The following FBRSL1 variants were observed in gnomAD, a reference collection of about 807,000 sequenced individuals.
FBRSL1 encodes the protein fibrosin-1-like protein.
FBRSL1 carries 51 observed loss-of-function variants against 89.6 expected under a neutral mutation model. The ratio of observed to expected loss-of-function variants is 0.57; its 90% CI spans 0.45 to 0.72. The LOEUF (loss-of-function observed/expected upper bound fraction) is 0.72. Ranked by LOEUF, FBRSL1 falls within the 30% of genes least tolerant of loss-of-function variation. The probability of loss-of-function intolerance (pLI) is 0.00; values close to 1 mark genes in which losing one functional copy is unlikely to be tolerated. For missense variants in FBRSL1, 1,618 were observed against 1,451.8 expected, an observed-to-expected ratio of 1.11 and a Z score of -1.86; for synonymous variants, 779 against 681.1, an observed-to-expected ratio of 1.14 and a Z score of -2.24.
chr12:132,507,520 G>A (rs2033829215), intron 1 of FBRSL1: 4 of 746,954 alleles, frequency 5.4e-6, no homozygotes, highest in East Asian at 1.3e-4. Context: ...TGAAGGAGTC[G>A]AGATGGGACG....
At chr12:132,567,293 G>A (rs1752641876) in intron 5 of FBRSL1, among the ~76,000 whole-genome samples, 188 bp from the exon 6 acceptor site, 1 of 152,208 alleles carries the variant, frequency 6.6e-6, no homozygotes, top group Non-Finnish European at 1.5e-5. Flanking sequence ...CCCAGCGTGA[G>A]CACATGTATA....
chr12:132,576,935 A>G lies in FBRSL1; in HGVS notation c.1834+4A>G. 3 of 1,546,342 alleles carry G rather than the reference A, an allele frequency of 1.9e-6. No individual in the cohort carries two copies. The highest frequency in any genetic ancestry group is 2.6e-6 in the Non-Finnish European group (3 of 1,144,408). On this transcript the variant is annotated splice_donor_region_variant and intron_variant, in intron 15 of 18. Coordinates refer to ENST00000680143, the MANE Select transcript of FBRSL1 (RefSeq NM_001367871.1). Reference sequence around the variant, plus strand: ...CGGCCCCTCTTCCCCAGCACAGGTGAGACTGGAGTCGGGCCAGGTGGGGGG... The same window carrying G: ...CGGCCCCTCTTCCCCAGCACAGGTGGGACTGGAGTCGGGCCAGGTGGGGGG...
chr12:132,578,624 G>C lies in FBRSL1; in HGVS notation c.1834+1693G>C, dbSNP rs552522705. On this transcript the variant is annotated intron_variant, in intron 15 of 18. Coordinates refer to ENST00000680143, the MANE Select transcript of FBRSL1 (RefSeq NM_001367871.1). ...TACACACAGGCACAGGCACACACAT[G>C]GGCACTGCGTTGCCCAGTTGTCCTG... is the stretch of plus-strand genomic sequence containing the variant. Among the ~76,000 whole-genome samples the C allele has an allele frequency of 2.6e-5, 4 of 152,260 alleles. No individual in the cohort carries two copies. In the South Asian group the frequency reaches 8.3e-4, roughly 32 times the overall value.
At chr12:132,568,292 G>A (rs1164511666) in intron 6 of FBRSL1, among the ~76,000 whole-genome samples, 3 of 152,348 alleles carry the variant, frequency 2.0e-5, no homozygotes, top group South Asian at 2.1e-4. Context: ...GGCTTCATCC[G>A]GATGTGATTG....
In FBRSL1 at chr12:132,581,468, G is replaced by A; in HGVS notation, c.1864G>A (p.Gly622Arg). 1 of 1,551,068 alleles carries A rather than the reference G, an allele frequency of 6.4e-7. No individual in the cohort carries two copies. The highest frequency in any genetic ancestry group is 8.7e-7 in the Non-Finnish European group (1 of 1,146,922). The change falls in exon 16 of 19, where the codon GGA becomes AGA. Residue 622 changes from glycine (G) to arginine (R), a missense_variant. By Grantham distance (125) the Gly-to-Arg change is moderately radical. Transcript: ENST00000680143. ...GAAHPASNPF[G>R]PSAHPGSFLP... Reference sequence around the variant, plus strand: ...CGCCCATCCTGCCTCCAACCCATTTGGACCCTCAGCCCATCCTGGCAGCTT... The same window carrying A: ...CGCCCATCCTGCCTCCAACCCATTTAGACCCTCAGCCCATCCTGGCAGCTT...
chr12:132,579,345 C>G (rs928258847), intron 15 of FBRSL1, among the ~76,000 whole-genome samples: 3 of 152,214 alleles, frequency 2.0e-5, no homozygotes, highest in Non-Finnish European at 4.4e-5. Context: ...TATCCCTGAT[C>G]ATGGTGTATC....
rs1358926811 is a variant in FBRSL1 at position 132,545,090 on chromosome 12, CAG to C, written c.616-2912_616-2911del. On this transcript the variant is annotated intron_variant, in intron 4 of 18. Coordinates refer to ENST00000680143, the MANE Select transcript of FBRSL1 (RefSeq NM_001367871.1). ...GCATGGGGCCGTGCGGCACGGAGCTCAGGGCCTCGCCCAGTGTGGGGCAGTGC... is the reference window on the plus strand; with the variant it reads ...GCATGGGGCCGTGCGGCACGGAGCTCGGCCTCGCCCAGTGTGGGGCAGTGC... Among the ~76,000 whole-genome samples the C allele has an allele frequency of 2.6e-5, 4 of 151,844 alleles. No homozygotes were observed. In the East Asian group the frequency reaches 7.7e-4, roughly 29 times the overall value.
chr12:132,574,083 C>A lies in FBRSL1; in HGVS notation c.1531-7C>A. On this transcript the variant is annotated splice_polypyrimidine_tract_variant and splice_region_variant and intron_variant, in intron 11 of 18. Transcript: ENST00000680143. ...GGCGCACACAAGCTGTCTCTTTCTCCCCTCAGACTTCAAGCCCCATTGAGG... is the reference window on the plus strand; with the variant it reads ...GGCGCACACAAGCTGTCTCTTTCTCACCTCAGACTTCAAGCCCCATTGAGG... The A allele has an allele frequency of 7.7e-7, 1 of 1,293,046 alleles. No homozygotes were observed. Among genetic ancestry groups the A allele is most frequent in the Non-Finnish European group, 9.8e-7 (1 of 1,021,478 alleles). 80.1% of individuals were successfully genotyped at this position (1,293,046 alleles called of 1,614,324 possible).
intron 4 of FBRSL1, among the ~76,000 whole-genome samples, chr12:132,543,443 C>T (rs1399366792): frequency 6.6e-6 from 1 of 152,212 alleles, no homozygotes. Flanking sequence ...TTCGACACCC[C>T]AGGGCTGGGG....
At chr12:132,541,341 C>T (rs903679628) in intron 4 of FBRSL1, among the ~76,000 whole-genome samples, 1 of 152,220 alleles carries the variant, frequency 6.6e-6, no homozygotes, top group African/African-American at 2.4e-5. Flanking sequence ...GGTGCCTCAC[C>T]CTCAAGTGCC....
intron 15 of FBRSL1, among the ~76,000 whole-genome samples, chr12:132,577,658 G>T (rs1216920586): frequency 4.7e-5 from 7 of 148,578 alleles, no homozygotes; most frequent in Admixed American, 2.0e-4. Context: ...CCCTCCCCCA[G>T]CAACACAACG....
intron 2 of FBRSL1, chr12:132,511,806 A>T: frequency 1.0e-6 from 1 of 985,176 alleles, no homozygotes; most frequent in Non-Finnish European, 1.2e-6. Flanking sequence ...CTGGTGCAGC[A>T]TCTGCTTTGG....
At chr12:132,556,705 T>C (rs866183838) in intron 5 of FBRSL1, among the ~76,000 whole-genome samples, 3 of 47,458 alleles carry the variant, frequency 6.3e-5, no homozygotes, top group African/African-American at 1.0e-4. Flanking sequence ...TCATGCTGCC[T>C]CCAACCCCTG....
chr12:132,509,587 G>A (rs1275526928), intron 2 of FBRSL1: 27 of 1,230,650 alleles, frequency 2.2e-5, no homozygotes, highest in East Asian at 9.5e-5. Flanking sequence ...CACTGCCGGC[G>A]CCTGCGGTCC....
chr12:132,546,092 A>G lies in FBRSL1; in HGVS notation c.616-1911A>G, dbSNP rs182598873. On this transcript the variant is annotated intron_variant, in intron 4 of 18. Transcript: ENST00000680143. The surrounding 1 kb of genome is among the most constrained non-coding windows in gnomAD (Gnocchi z 4.0). ...CCCCTCAGCCCTGGCGTGTTCTGGC[A>G]TGTTCCTCCCCTCCCCTGCGCTCCC... Among the ~76,000 whole-genome samples, 314 of 152,274 alleles carry G rather than the reference A, an allele frequency of 2.1e-3. 3 individuals carry two copies. Among genetic ancestry groups the G allele is most frequent in the African/African-American group, 6.5e-3 (271 of 41,558 alleles).
At chr12:132,571,785 C>T in intron 9 of FBRSL1, 1 of 340,598 alleles carries the variant, frequency 2.9e-6, no homozygotes, top group Non-Finnish European at 5.3e-6. Flanking sequence ...ACCCTCACGC[C>T]TGCACTAGAT....
intron 1 of FBRSL1, among the ~76,000 whole-genome samples, chr12:132,493,150 G>C (rs2031380156): frequency 6.6e-6 from 1 of 152,252 alleles, no homozygotes; most frequent in Non-Finnish European, 1.5e-5. Flanking sequence ...CGGCCTTAGA[G>C]TGAGCGGGCG....
chr12:132,558,556 G>A (rs1362065971), intron 5 of FBRSL1, among the ~76,000 whole-genome samples: 1 of 152,254 alleles, frequency 6.6e-6, no homozygotes, highest in Non-Finnish European at 1.5e-5. Context: ...GGGAGTACGT[G>A]TATTTGGTAA....
chr12:132,565,733 C>T (rs896976433), intron 5 of FBRSL1: 2 of 152,316 alleles, frequency 1.3e-5, no homozygotes, highest in African/African-American at 4.8e-5. Context: ...CAGTTGCTTC[C>T]TCCACACACA....
Sources: allele counts gnomAD v4.1 joint callset (sites outside exome capture counted in the v4.1 genomes callset), GRCh38; gene constraint gnomAD v4.1.1; non-coding constraint Gnocchi (gnomAD v3.1); transcripts MANE v1.5; gene names NCBI Gene and HGNC (gene_info 2026-07-23, HGNC 2026-07-21).